Variants in PLK4 observed in about 807,000 individuals in gnomAD.
PLK4 encodes the protein serine/threonine-protein kinase PLK4.
PLK4 carries 51 observed loss-of-function variants against 103.0 expected under a neutral mutation model. The ratio of observed to expected loss-of-function variants is 0.50; its 90% CI spans 0.40 to 0.63. The LOEUF is 0.63. Among genes scored for constraint, PLK4 ranks in the 20% least tolerant of loss-of-function variants. The probability of loss-of-function intolerance (pLI) is 0.00; values close to 1 mark genes in which losing one functional copy is unlikely to be tolerated. For synonymous variants in PLK4, 389 were observed against 376.8 expected (o/e 1.03, Z -0.38); for missense variants, 1,054 against 1,151.0 (o/e 0.92, Z 1.22).
intron 12 of PLK4, 44 bp from the exon 13 acceptor site, chr4:127,893,690 A>C: frequency 6.3e-7 from 1 of 1,589,212 alleles, no homozygotes; most frequent in Non-Finnish European, 8.6e-7. Context: ...GTTTTCTGTA[A>C]ATTGAAAGCT....
Position 127,886,380 on chromosome 4 carries a change from C to T in PLK4, c.1010C>T (p.Ser337Leu). 1 of 1,613,642 alleles carries T rather than the reference C, an allele frequency of 6.2e-7. No homozygotes were observed. The highest frequency in any genetic ancestry group is 8.5e-7 in the Non-Finnish European group (1 of 1,179,752). ...AAAAGTTCAACTGATTTTTCTTCTT[C>T]AGGAGATGGAAACAGTTTTTATACT... is the stretch of plus-strand genomic sequence containing the variant. ...KNKSSTDFSS[S>L]GDGNSFYTQW... is the part of the protein sequence containing the mutation. Residue 337 changes from serine to leucine, a missense_variant, in exon 5 of 16, where the codon TCA becomes TTA. Physicochemically the swap from Ser to Leu is moderately radical, Grantham distance 145 (BLOSUM62 -2). Transcript: ENST00000270861.
intron 2 of PLK4, among the ~76,000 whole-genome samples, chr4:127,882,203 A>G (rs922985643): frequency 2.8e-5 from 4 of 143,570 alleles, no homozygotes; most frequent in African/African-American, 7.3e-5. Flanking sequence ...GTAGAAATCA[A>G]CTAACAAATA....
intron 13 of PLK4, 98 bp downstream of exon 13, chr4:127,893,979 G>A (rs1297003066): frequency 4.2e-6 from 3 of 709,072 alleles, no homozygotes; most frequent in South Asian, 3.7e-5. Context: ...TATCATCTAC[G>A]TACTTTTCCA....
chr4:127,897,777 A>G (rs555987979), intron 15 of PLK4, among the ~76,000 whole-genome samples: 1 of 143,266 alleles, frequency 7.0e-6, no homozygotes, highest in Non-Finnish European at 1.5e-5. Flanking sequence ...TTAAATAGAA[A>G]TATATTCATA....
chr4:127,887,365 G>A (rs756079876), intron 5 of PLK4, 31 bp from the exon 6 acceptor site: 28 of 1,272,136 alleles, frequency 2.2e-5, no homozygotes, highest in Middle Eastern at 1.9e-4. Context: ...TTTTTTATTA[G>A]TTTATGGGAT....
rs562373801 is a variant in PLK4, at chr4:127,895,592, T to C, written c.2703+499T>C. On this transcript the variant is annotated intron_variant, in intron 14 of 15. Transcript: ENST00000270861. Reference sequence around the variant, plus strand: ...GCCCACTGCCAAGCCGGGCTAATTTTTTCTATTTTTAGTAGAGACGGGGTT... The same window carrying C: ...GCCCACTGCCAAGCCGGGCTAATTTCTTCTATTTTTAGTAGAGACGGGGTT... Among the ~76,000 whole-genome samples the C allele has an allele frequency of 3.1e-3, 472 of 151,744 alleles. 4 individuals carry two copies. Among genetic ancestry groups the C allele is most frequent in the African/African-American group, 0.011 (456 of 41,316 alleles).
chr4:127,892,701 A>T (rs1417169540), intron 10 of PLK4, 187 bp downstream of exon 10: 1 of 482,798 alleles, frequency 2.1e-6, no homozygotes, highest in African/African-American at 2.1e-5. Context: ...GCCTTCCTTT[A>T]AACAATTTAT....
At chr4:127,887,040 A>G (rs1164104432) in intron 5 of PLK4, among the ~76,000 whole-genome samples, 2 of 152,302 alleles carry the variant, frequency 1.3e-5, no homozygotes, top group African/African-American at 4.8e-5. Context: ...AACTGTATAC[A>G]TAGATAGAAA....
In PLK4 at chr4:127,890,856, CT is replaced by C. The variant is rs1175496935; in HGVS notation, c.1831-233del. ...TATTCTCCACTCTACCTTCTGTTTG[CT>C]TTCTGCTCATTGATTATCACTTCAC... On this transcript the variant is annotated intron_variant, in intron 7 of 15. Coordinates refer to ENST00000270861, the MANE Select transcript of PLK4 (RefSeq NM_014264.5). The C allele has an allele frequency of 2.5e-4, 80 of 318,370 alleles. No individual in the cohort carries two copies. The East Asian group carries it at 3.8e-3, about 15-fold the overall frequency. The allele number at this position is 318,370 out of a possible 1,614,324, so 19.7% of individuals were successfully genotyped here. A position where few individuals can be genotyped will look rare whatever the true frequency, so the allele number is the denominator to read the frequency against.
rs1735015787 is a variant in PLK4 at position 127,883,673 on chromosome 4, T to C, written c.337+120T>C. 4 of 492,904 alleles carry C rather than the reference T, an allele frequency of 8.1e-6. No homozygotes were observed. The East Asian group carries it at 1.2e-4, about 15-fold the overall frequency. The allele number at this position is 492,904 out of a possible 1,614,324, so 30.5% of individuals were successfully genotyped here. ...ATAGTAAAACTGTTTGAATTATTAC[T>C]TTAAGCTAGAAAAGGAGATTTCCTA... On this transcript the variant is annotated intron_variant, in intron 4 of 15. Transcript: ENST00000270861.
intron 6 of PLK4, among the ~76,000 whole-genome samples, chr4:127,888,545 A>C (rs1735233631): frequency 6.6e-6 from 1 of 152,194 alleles, no homozygotes; most frequent in Non-Finnish European, 1.5e-5. Context: ...CCTTATTTTT[A>C]AGTGGAAGCT....
Position 127,880,910 on chromosome 4 carries a change from G to A in PLK4, c.-225G>A. On this transcript the variant is annotated 5_prime_UTR_variant, in exon 1 of 16. Transcript: ENST00000270861. ...GTTACGTCACCACCAGCCTAGCTCG[G>A]ACGGCAAGCGGCGGGAGATTTTCAA... is the stretch of plus-strand genomic sequence containing the variant. The A allele has an allele frequency of 1.7e-6, 1 of 581,128 alleles. No homozygotes were observed. Among genetic ancestry groups the A allele is most frequent in the Non-Finnish European group, 3.1e-6 (1 of 325,986 alleles). The allele number at this position is 581,128 out of a possible 1,614,324, so 36.0% of individuals were successfully genotyped here.
At chr4:127,889,091 A>C (rs1016994126) in intron 6 of PLK4, among the ~76,000 whole-genome samples, 1 of 152,182 alleles carries the variant, frequency 6.6e-6, no homozygotes, top group Non-Finnish European at 1.5e-5. Flanking sequence ...GTGTTCCTGC[A>C]ATTTTTCAGT....
At position 127,890,303 on chromosome 4, in the gene PLK4, A is replaced by AT. The variant is rs1178091605; in HGVS notation, c.1830+73dup. Reference sequence around the variant, plus strand: ...TTGAGAATACAATTCTTGAGAACATATTTTTTAGTCCTCTGTAATGTCCTT... The same window carrying AT: ...TTGAGAATACAATTCTTGAGAACATATTTTTTTAGTCCTCTGTAATGTCCTT... On this transcript the variant is annotated intron_variant, in intron 7 of 15. Coordinates refer to ENST00000270861, the MANE Select transcript of PLK4 (RefSeq NM_014264.5). 2.3e-6 allele frequency: 3 copies of AT among 1,308,630 alleles called. No homozygotes were observed. The African/African-American group carries it at 4.4e-5, about 19-fold the overall frequency. The allele number at this position is 1,308,630 out of a possible 1,614,324, so 81.1% of individuals were successfully genotyped here. A position where few individuals can be genotyped will look rare whatever the true frequency, so the allele number is the denominator to read the frequency against.
chr4:127,881,341 CAA>C, intron 1 of PLK4, 177 bp downstream of exon 1: 1 of 1,458,760 alleles, frequency 6.9e-7, no homozygotes, highest in Non-Finnish European at 9.0e-7. Flanking sequence ...GCCCGCCCCT[CAA>C]GAGACAAGAG....
At chr4:127,888,304 G>C (rs1448976828) in intron 6 of PLK4, among the ~76,000 whole-genome samples, 1 of 140,390 alleles carries the variant, frequency 7.1e-6, no homozygotes, top group South Asian at 2.5e-4. Context: ...CATATATTAA[G>C]TTCTCACAAA....
Position 127,891,734 on chromosome 4 carries a change from C to T in PLK4, c.2038+53C>T, listed in dbSNP as rs372454697. The T allele has an allele frequency of 1.0e-3, 597 of 594,844 alleles. 6 individuals are homozygous for T. The highest frequency in any genetic ancestry group is 1.6e-3 in the Admixed American group (56 of 35,756). The allele number at this position is 594,844 out of a possible 1,614,324, so 36.8% of individuals were successfully genotyped here. On this transcript the variant is annotated intron_variant, in intron 9 of 15. Transcript: ENST00000270861. ...TTGATAGTAGATTTATATGTATATA[C>T]GTATAAACTCTATATATAGATATAA...
chr4:127,883,308 A>G lies in PLK4; in HGVS notation c.173A>G (p.Gln58Arg), dbSNP rs1276540827. 1 of 1,605,144 alleles carries G rather than the reference A, an allele frequency of 6.2e-7. No homozygotes were observed. The highest frequency in any genetic ancestry group is 1.1e-5 in the South Asian group (1 of 90,764). The change falls in exon 3 of 16, where the codon CAA becomes CGA. Residue 58 changes from glutamine to arginine, a missense_variant. Transcript: ENST00000270861. ...MYKAGMVQRVQNEVKIHCQLK... is the reference protein window; with the variant it reads ...MYKAGMVQRVRNEVKIHCQLK... Reference sequence around the variant, plus strand: ...AAAGCAGGAATGGTACAGAGAGTCCAAAATGAGGTGAAAATACATTGCCAA... The same window carrying G: ...AAAGCAGGAATGGTACAGAGAGTCCGAAATGAGGTGAAAATACATTGCCAA...
chr4:127,881,872 T>C lies in PLK4; in HGVS notation c.72T>C (p.Ala24=). The part of the protein sequence containing the change: ...VGNLLGKGSF[A]GVYRAESIHT... Reference sequence around the variant, plus strand: ...ATCTGCTTGGTAAAGGATCATTTGCTGGTGTCTACAGAGCTGAGTCCATTC... The same window carrying C: ...ATCTGCTTGGTAAAGGATCATTTGCCGGTGTCTACAGAGCTGAGTCCATTC... The change falls in exon 2 of 16, where the codon GCT becomes GCC. Residue 24 remains alanine (A), a synonymous_variant. Coordinates refer to ENST00000270861, the MANE Select transcript of PLK4 (RefSeq NM_014264.5). The C allele has an allele frequency of 6.2e-7, 1 of 1,610,884 alleles. No individual in the cohort carries two copies. Among genetic ancestry groups the C allele is most frequent in the African/African-American group, 1.3e-5 (1 of 74,972 alleles).
Sources: allele counts gnomAD v4.1 joint callset (sites outside exome capture counted in the v4.1 genomes callset), GRCh38; gene constraint gnomAD v4.1.1; transcripts MANE v1.5; gene names NCBI Gene and HGNC (gene_info 2026-07-23, HGNC 2026-07-21).